Variants in SPECC1 observed in about 807,000 individuals in gnomAD.
The protein encoded by SPECC1 is sperm antigen with calponin homology and coiled-coil domains 1.
A neutral mutation model predicts 104.1 loss-of-function variants in SPECC1; 62 were observed. That is an observed-to-expected ratio of 0.60 (90% confidence interval 0.49 to 0.74). The LOEUF is 0.74. Ranked by LOEUF, SPECC1 falls within the 30% of genes least tolerant of loss-of-function variation. SPECC1 has a pLI of 0.00. For synonymous variants in SPECC1, 513 were observed against 501.6 expected (o/e 1.02, Z -0.30); for missense variants, 1,306 against 1,310.5 (o/e 1.00, Z 0.05).
chr17:20,015,316 A>G (rs1439082031), intron 1 of SPECC1, among the ~76,000 whole-genome samples: 1 of 139,914 alleles, frequency 7.1e-6, no homozygotes, highest in Non-Finnish European at 1.6e-5. Flanking sequence ...TTTTTTTGAG[A>G]CAGAGTATTG....
At chr17:20,264,457 ATTTTTTTTTTTTTT>A (rs10565315) in intron 12 of SPECC1, among the ~76,000 whole-genome samples, 5 of 55,742 alleles carry the variant, frequency 9.0e-5, no homozygotes, top group Non-Finnish European at 1.3e-4. Context: ...TTGGAGACGG[ATTTTTTTTTTTTTT>A]TTTTTTTTTT....
intron 3 of SPECC1, among the ~76,000 whole-genome samples, chr17:20,138,673 T>C (rs1567871113): frequency 6.6e-6 from 1 of 152,258 alleles, no homozygotes; most frequent in Admixed American, 6.5e-5. Flanking sequence ...CATTTAAGTT[T>C]CCTCCATGTC....
chr17:20,256,696 T>C (rs985211706), intron 10 of SPECC1, among the ~76,000 whole-genome samples: 2 of 152,134 alleles, frequency 1.3e-5, no homozygotes, highest in African/African-American at 4.8e-5. Flanking sequence ...TGTCTCCTGT[T>C]CCGCACTTTT....
chr17:20,076,879 G>GA (rs2046780913), intron 1 of SPECC1, among the ~76,000 whole-genome samples: 1 of 151,456 alleles, frequency 6.6e-6, no homozygotes, highest in African/African-American at 2.4e-5. Flanking sequence ...GTATCACAGG[G>GA]AAAAAAGAGT....
rs557440212 is a variant in SPECC1 at position 20,151,739 on chromosome 17, C to A, written c.283+41177C>A. ...GTGTGACTGCCACAACCTGACTGAT[C>A]CCTGAACTGCTTTTTAAAATTATCC... On this transcript the variant is annotated intron_variant, in intron 3 of 14. Coordinates refer to ENST00000395527, the MANE Select transcript of SPECC1 (RefSeq NM_001243439.2). Among the ~76,000 whole-genome samples the A allele has an allele frequency of 5.9e-5, 9 of 152,300 alleles. No individual in the cohort carries two copies. In the East Asian group the frequency reaches 1.7e-3, roughly 29 times the overall value.
intron 3 of SPECC1, among the ~76,000 whole-genome samples, chr17:20,159,260 G>GC (rs2032912309): frequency 6.6e-6 from 1 of 151,980 alleles, no homozygotes; most frequent in African/African-American, 2.4e-5. Context: ...ATGGGATCTT[G>GC]CCATGTTGCC....
At chr17:20,153,015 T>G (rs965099136) in intron 3 of SPECC1, among the ~76,000 whole-genome samples, 8 of 152,306 alleles carry the variant, frequency 5.3e-5, no homozygotes, top group Middle Eastern at 3.4e-3. Flanking sequence ...CCCCCACCCT[T>G]ATGACCTCAT....
Position 20,297,023 on chromosome 17 carries a change from CCA to C in SPECC1, c.3007_3008del (p.Thr1003LeufsTer13). The part of the protein sequence containing the change: ...SDGLAFCALL[H>X]TYLPAHIPYQ... Reference sequence around the variant, plus strand: ...ATGGCCTGGCCTTCTGTGCTCTGCTCCACACCTACCTGCCTGCCCACATCCCC... The same window carrying C: ...ATGGCCTGGCCTTCTGTGCTCTGCTCCACCTACCTGCCTGCCCACATCCCC... On this transcript the variant is annotated frameshift_variant, in exon 13 of 15. Coordinates refer to ENST00000395527, the MANE Select transcript of SPECC1 (RefSeq NM_001243439.2). LOFTEE classifies it high-confidence loss of function. 1 of 1,614,206 alleles carries C rather than the reference CCA, an allele frequency of 6.2e-7. No individual in the cohort carries two copies. The highest frequency in any genetic ancestry group is 1.1e-5 in the South Asian group (1 of 91,082).
intron 3 of SPECC1, among the ~76,000 whole-genome samples, chr17:20,159,774 A>G (rs1444546365): frequency 6.6e-6 from 1 of 152,232 alleles, no homozygotes. Context: ...TGGTGACCAC[A>G]TCTCATGCTT....
At chr17:20,214,943 G>A (rs1421442637) in intron 4 of SPECC1, among the ~76,000 whole-genome samples, 1 of 152,226 alleles carries the variant, frequency 6.6e-6, no homozygotes, top group Non-Finnish European at 1.5e-5. Context: ...TTGAATGTGC[G>A]GTTGTGCTGC....
intron 1 of SPECC1, among the ~76,000 whole-genome samples, chr17:20,058,841 T>C (rs112860489): frequency 1.4e-5 from 2 of 140,680 alleles, no homozygotes; most frequent in South Asian, 2.4e-4. Context: ...ATTTCTTTTT[T>C]TTTTTTTTTT....
intron 4 of SPECC1, among the ~76,000 whole-genome samples, chr17:20,211,428 G>A (rs2037141742): frequency 1.3e-5 from 2 of 152,206 alleles, no homozygotes; most frequent in South Asian, 4.1e-4. Context: ...GTTGGGGAGA[G>A]CCCCACAGCT....
intron 9 of SPECC1, among the ~76,000 whole-genome samples, chr17:20,252,204 A>G (rs887141274): frequency 6.6e-6 from 1 of 152,152 alleles, no homozygotes; most frequent in Non-Finnish European, 1.5e-5. Flanking sequence ...TCTATTAACA[A>G]ATTTTTAAGT....
At chr17:20,145,007 AG>A (rs2152562921) in intron 3 of SPECC1, among the ~76,000 whole-genome samples, 1 of 152,324 alleles carries the variant, frequency 6.6e-6, no homozygotes, top group East Asian at 1.9e-4. Context: ...TTCTAATTCA[AG>A]AAGGATGTTC....
intron 3 of SPECC1, among the ~76,000 whole-genome samples, chr17:20,151,521 T>G (rs2032005757): frequency 6.6e-6 from 1 of 152,194 alleles, no homozygotes; most frequent in African/African-American, 2.4e-5. Flanking sequence ...TTTTTTATAG[T>G]CATCACAGGC....
intron 1 of SPECC1, among the ~76,000 whole-genome samples, chr17:20,092,664 T>C (rs2047454313): frequency 6.6e-6 from 1 of 152,218 alleles, no homozygotes; most frequent in South Asian, 2.1e-4. Context: ...CAGCGCTCCG[T>C]TGAACACCAT....
chr17:20,125,121 A>G (rs1461136750), intron 3 of SPECC1, among the ~76,000 whole-genome samples: 1 of 152,206 alleles, frequency 6.6e-6, no homozygotes, highest in South Asian at 2.1e-4. Flanking sequence ...CGGAGCTTGC[A>G]GTGAGCCGAG....
Position 20,078,478 on chromosome 17 carries a change from C to T in SPECC1, c.-21-18153C>T, listed in dbSNP as rs76784966. Among the ~76,000 whole-genome samples the T allele has an allele frequency of 7.2e-5, 11 of 152,132 alleles. No homozygotes were observed. The East Asian group carries it at 1.9e-3, about 27-fold the overall frequency. Reference sequence around the variant, plus strand: ...GAAATGCAAATTCAAATACTCATGACGTGTCATTTCCCATGCAACACATTG... The same window carrying T: ...GAAATGCAAATTCAAATACTCATGATGTGTCATTTCCCATGCAACACATTG... On this transcript the variant is annotated intron_variant, in intron 1 of 14. Transcript: ENST00000395527.
intron 12 of SPECC1, among the ~76,000 whole-genome samples, chr17:20,281,897 G>A (rs2040782044): frequency 1.3e-5 from 2 of 152,234 alleles, no homozygotes; most frequent in South Asian, 2.1e-4. Flanking sequence ...TCTGGGATCC[G>A]AGGTGAGGGC....
Sources: allele counts gnomAD v4.1 joint callset (sites outside exome capture counted in the v4.1 genomes callset), GRCh38; gene constraint gnomAD v4.1.1; transcripts MANE v1.5; gene names NCBI Gene and HGNC (gene_info 2026-07-23, HGNC 2026-07-21).